SUCLG2: variants seen among roughly 807,000 people sequenced by gnomAD.
SUCLG2 encodes the protein succinate--CoA ligase [GDP-forming] subunit beta, mitochondrial.
In SUCLG2, 42 loss-of-function variants were observed where a neutral mutation model predicts 47.9. The observed-to-expected ratio is 0.88, with a 90% CI of 0.69 to 1.14. SUCLG2 has a LOEUF of 1.14. SUCLG2 is among the 50% of genes most tolerant of loss of function. SUCLG2 has a pLI of 0.00. For synonymous variants in SUCLG2, 195 were observed against 197.3 expected (o/e 0.99, Z 0.10); for missense variants, 571 against 525.9 (o/e 1.09, Z -0.84).
At chr3:67,491,957 C>T (rs1402499892) in intron 9 of SUCLG2, among the ~76,000 whole-genome samples, 6 of 152,152 alleles carry the variant, frequency 3.9e-5, no homozygotes, top group African/African-American at 1.4e-4. Flanking sequence ...CAAGGTCCCA[C>T]AACCAGTAAC....
chr3:67,528,010 A>G, intron 4 of SUCLG2, 122 bp downstream of exon 4: 6 of 835,210 alleles, frequency 7.2e-6, no homozygotes, highest in Non-Finnish European at 1.1e-5. Context: ...TGAGCTTTAA[A>G]AAATAAAATG....
At chr3:67,646,813 A>G (rs1701199829) in intron 1 of SUCLG2, among the ~76,000 whole-genome samples, 1 of 152,128 alleles carries the variant, frequency 6.6e-6, no homozygotes, top group African/African-American at 2.4e-5. Flanking sequence ...ATCGATGCCA[A>G]AGTCGCCCAA....
intron 9 of SUCLG2, among the ~76,000 whole-genome samples, chr3:67,448,639 C>T (rs1703983089): frequency 6.6e-6 from 1 of 152,154 alleles, no homozygotes. Context: ...GAGATACCAG[C>T]TACTTTTTGT....
At chr3:67,374,648 A>T, downstream of SUCLG2, 1 of 534,334 alleles carries the variant, frequency 1.9e-6, no homozygotes, top group Non-Finnish European at 2.4e-6. Flanking sequence ...AGACACTAAG[A>T]CTAGTGTCTT....
At chr3:67,570,111 C>A (rs1018568300) in intron 2 of SUCLG2, among the ~76,000 whole-genome samples, 1 of 151,970 alleles carries the variant, frequency 6.6e-6, no homozygotes, top group Non-Finnish European at 1.5e-5. Context: ...GAAGAAAGGC[C>A]GTAAGAGGAC....
At chr3:67,532,244 T>C (rs1388184126) in intron 2 of SUCLG2, among the ~76,000 whole-genome samples, 1 of 152,194 alleles carries the variant, frequency 6.6e-6, no homozygotes, top group Non-Finnish European at 1.5e-5. Flanking sequence ...CAAGCGGTTC[T>C]CCTGCCTCAG....
intron 1 of SUCLG2, among the ~76,000 whole-genome samples, chr3:67,632,382 C>G (rs1326807700): frequency 6.6e-6 from 1 of 152,146 alleles, no homozygotes; most frequent in Non-Finnish European, 1.5e-5. Flanking sequence ...GGGGTTTCAT[C>G]ATGTTGGCCA....
intron 2 of SUCLG2, among the ~76,000 whole-genome samples, chr3:67,537,860 A>G (rs1706588837): frequency 6.6e-6 from 1 of 152,192 alleles, no homozygotes; most frequent in African/African-American, 2.4e-5. Flanking sequence ...GGCCACATAA[A>G]CATCTTCTTT....
At chr3:67,549,851 TTTC>T (rs1233668745) in intron 2 of SUCLG2, among the ~76,000 whole-genome samples, 1 of 152,186 alleles carries the variant, frequency 6.6e-6, no homozygotes, top group East Asian at 1.9e-4. Flanking sequence ...GGATAAATTT[TTTC>T]TTTTTTTTTT....
intron 1 of SUCLG2, among the ~76,000 whole-genome samples, chr3:67,652,175 A>AAAC (rs1553677470): frequency 3.3e-5 from 5 of 150,012 alleles, no homozygotes; most frequent in African/African-American, 9.8e-5. Flanking sequence ...AAAAAAAAAA[A>AAAC]CTTCAATGAC....
chr3:67,552,326 A>T (rs1192285293), intron 2 of SUCLG2, among the ~76,000 whole-genome samples: 1 of 151,314 alleles, frequency 6.6e-6, no homozygotes, highest in Non-Finnish European at 1.5e-5. Context: ...AATTCCTTTT[A>T]CTGTCTATTT....
intron 2 of SUCLG2, among the ~76,000 whole-genome samples, chr3:67,576,650 A>G: frequency 6.6e-6 from 1 of 152,196 alleles, no homozygotes; most frequent in East Asian, 1.9e-4. Context: ...ATCTTAAGGA[A>G]ATAGAAACCT....
chr3:67,391,294 C>G (rs1462160393), intron 10 of SUCLG2, among the ~76,000 whole-genome samples: 1 of 152,080 alleles, frequency 6.6e-6, no homozygotes, highest in South Asian at 2.1e-4. Context: ...ATCCTTGATT[C>G]TGAAATACTG....
At chr3:67,558,373 A>C (rs1429058582) in intron 2 of SUCLG2, among the ~76,000 whole-genome samples, 7 of 151,712 alleles carry the variant, frequency 4.6e-5, no homozygotes, top group Non-Finnish European at 1.0e-4. Context: ...CACAGAGAAA[A>C]TTGAAATTTG....
At chr3:67,408,896 G>A in intron 9 of SUCLG2, 1 of 1,495,636 alleles carries the variant, frequency 6.7e-7, no homozygotes, top group Non-Finnish European at 8.8e-7. Context: ...ACTCCCTCTG[G>A]CAGTCTCTCT....
chr3:67,398,749 T>C (rs1702611055), intron 10 of SUCLG2, among the ~76,000 whole-genome samples: 1 of 152,186 alleles, frequency 6.6e-6, no homozygotes, highest in Admixed American at 6.5e-5. Context: ...CTATTCATGA[T>C]AGCAAAGCCT....
At position 67,573,734 on chromosome 3, in the gene SUCLG2, G is replaced by T. The variant is rs1014788332; in HGVS notation, c.226+35721C>A. 6.6e-5 allele frequency among the ~76,000 whole-genome samples: 10 copies of T among 152,124 alleles called. No homozygotes were observed. The South Asian group carries it at 2.1e-3, about 32-fold the overall frequency. ...TGGGATTCAAACGGCCTGGTGGGAA[G>T]CGCTCTATCAGGGACTTGGCCTGGT... On this transcript the variant is annotated intron_variant, in intron 2 of 10. Coordinates refer to ENST00000307227, the MANE Select transcript of SUCLG2 (RefSeq NM_003848.4).
chr3:67,517,773 T>A (rs1390610505), intron 6 of SUCLG2, among the ~76,000 whole-genome samples: 2 of 152,220 alleles, frequency 1.3e-5, no homozygotes, highest in Non-Finnish European at 2.9e-5. Context: ...CTAAATAACA[T>A]GTATTATTAA....
intron 10 of SUCLG2, among the ~76,000 whole-genome samples, chr3:67,365,916 C>A (rs1174313099): frequency 6.6e-6 from 1 of 152,132 alleles, no homozygotes; most frequent in Non-Finnish European, 1.5e-5. Context: ...AAACATGAAT[C>A]AATCCCCTTA....
Sources: allele counts gnomAD v4.1 joint callset (sites outside exome capture counted in the v4.1 genomes callset), GRCh38; gene constraint gnomAD v4.1.1; transcripts MANE v1.5; gene names NCBI Gene and HGNC (gene_info 2026-07-23, HGNC 2026-07-21).